HDAC5: variants seen among roughly 807,000 people sequenced by gnomAD.
HDAC5 encodes antigen NY-CO-9.
Under a neutral mutation model 133.3 loss-of-function variants are expected in HDAC5, and 25 were observed. The ratio of observed to expected loss-of-function variants is 0.19; its 90% confidence interval spans 0.14 to 0.26. HDAC5 has a LOEUF of 0.26. Ranked by LOEUF, HDAC5 falls within the 10% of genes least tolerant of loss-of-function variation. The pLI is 1.00. For synonymous variants in HDAC5, 589 were observed against 610.8 expected, an observed-to-expected ratio of 0.96 and a Z score of 0.53; for missense variants, 1,041 against 1,460.5, an observed-to-expected ratio of 0.71 and a Z score of 4.68.
At position 44,093,462 on chromosome 17, in the gene HDAC5, G is replaced by A. The variant is rs2051069151; in HGVS notation, c.378C>T (p.Ala126=). 3 of 1,606,080 alleles carry A rather than the reference G, an allele frequency of 1.9e-6. No homozygotes were observed. In the South Asian group the frequency reaches 3.3e-5, roughly 18 times the overall value. Residue 126 remains alanine, a synonymous_variant, in exon 5 of 27, where the codon GCC becomes GCT. Transcript: ENST00000682912. ...CTGCCAGCATCTCCTGCTGCTGCTT[G>A]GCTGCCAGCATCTCCTGCTGCTGCT... ...HLKQQQEMLA[A]KQQQEMLAAK...
chr17:44,119,513 A>G (rs1399173910), intron 1 of HDAC5, among the ~76,000 whole-genome samples: 2 of 152,218 alleles, frequency 1.3e-5, no homozygotes, highest in Non-Finnish European at 2.9e-5. Flanking sequence ...CTGAGGCAGA[A>G]GAGGAAGGGA....
At chr17:44,101,135 G>A (rs1265208090) in intron 3 of HDAC5, among the ~76,000 whole-genome samples, 1 of 150,906 alleles carries the variant, frequency 6.6e-6, no homozygotes, top group African/African-American at 2.4e-5. Flanking sequence ...GCCGGGCACA[G>A]TGGCTCATGC....
chr17:44,087,744 T>C (rs1401318383), intron 12 of HDAC5, 48 bp from the exon 13 acceptor site: 5 of 1,522,664 alleles, frequency 3.3e-6, no homozygotes, highest in Non-Finnish European at 3.5e-6. Context: ...GGGGAGCAGC[T>C]GTGCAGCCTA....
Position 44,117,005 on chromosome 17 carries a change from A to G in HDAC5, c.22+489T>C, listed in dbSNP as rs1451066069. Among the ~76,000 whole-genome samples the G allele has an allele frequency of 2.0e-5, 3 of 152,234 alleles. No homozygotes were observed. Among genetic ancestry groups the G allele is most frequent in the African/African-American group, 4.8e-5 (2 of 41,456 alleles). ...CTCCCACCCAATGCCACGCACCTGC[A>G]CACGGAGGTTAAGGCCCAGTGCCCT... On this transcript the variant is annotated intron_variant, in intron 2 of 26. Coordinates refer to ENST00000682912, the MANE Select transcript of HDAC5 (RefSeq NM_005474.5). The surrounding 1 kb of genome is among the most constrained non-coding windows in gnomAD (Gnocchi z 4.2).
chr17:44,103,875 A>G (rs1311163670), intron 3 of HDAC5, among the ~76,000 whole-genome samples: 3 of 151,698 alleles, frequency 2.0e-5, no homozygotes, highest in Non-Finnish European at 4.4e-5. Context: ...TGCCCGGCTA[A>G]TTTTGTATTT....
rs760414174 is a variant in HDAC5, at chr17:44,080,204, G to A, written c.2847C>T (p.Ala949=). ...TAFRTVVMPI[A]HEFSPDVVLV... The stretch of plus-strand genomic sequence containing the variant: ...GGACCACATCAGGTGAGAACTCGTG[G>A]GCAATGGGCATCACCACTGTCCTGC... Residue 949 remains alanine, a synonymous_variant, in exon 23 of 27, where the codon GCC becomes GCT. Transcript: ENST00000682912. 3.7e-6 allele frequency: 6 copies of A among 1,613,926 alleles called. No individual in the cohort carries two copies. The South Asian group carries it at 6.6e-5, about 18-fold the overall frequency.
In HDAC5 at chr17:44,079,285, G is replaced by A; in HGVS notation, c.2945-8C>T. 3 of 1,612,762 alleles carry A rather than the reference G, an allele frequency of 1.9e-6. No homozygotes were observed. Among genetic ancestry groups the A allele is most frequent in the Non-Finnish European group, 2.5e-6 (3 of 1,179,284 alleles). On this transcript the variant is annotated splice_polypyrimidine_tract_variant and splice_region_variant and intron_variant, in intron 23 of 26. Coordinates refer to ENST00000682912, the MANE Select transcript of HDAC5 (RefSeq NM_005474.5). ...TGGTCAAGTGGCCAAAACCTTTGAG[G>A]ATGGGTGAAGGGAGGAAGAAGAAAT...
chr17:44,087,386 G>A (rs761957372), intron 13 of HDAC5, 26 bp downstream of exon 13: 1 of 781,260 alleles, frequency 1.3e-6, no homozygotes. Flanking sequence ...TGGTGACCAA[G>A]GACTGGGACC....
intron 11 of HDAC5, among the ~76,000 whole-genome samples, chr17:44,089,125 T>C (rs531284614): frequency 6.6e-6 from 1 of 152,326 alleles, no homozygotes; most frequent in Admixed American, 6.5e-5. Context: ...TGCTGAGCCC[T>C]TGCACACAAC....
intron 2 of HDAC5, among the ~76,000 whole-genome samples, chr17:44,115,534 T>A (rs2052595550): frequency 6.6e-6 from 1 of 152,178 alleles, no homozygotes; most frequent in Non-Finnish European, 1.5e-5. Flanking sequence ...GCTCTGGGAA[T>A]AGCAGACGCT....
At position 44,078,781 on chromosome 17, in the gene HDAC5, G is replaced by A. The variant is rs147216798; in HGVS notation, c.3163+14C>T. On this transcript the variant is annotated intron_variant, in intron 25 of 26. Coordinates refer to ENST00000682912, the MANE Select transcript of HDAC5 (RefSeq NM_005474.5). Reference sequence around the variant, plus strand: ...CCCTTGGCAGCCTGAGCCCCTCTACGTGTCCTCACGCACTCTGGATCTCGA... The same window carrying A: ...CCCTTGGCAGCCTGAGCCCCTCTACATGTCCTCACGCACTCTGGATCTCGA... The A allele has an allele frequency of 1.7e-5, 28 of 1,613,482 alleles. No homozygotes were observed. Among genetic ancestry groups the A allele is most frequent in the African/African-American group, 1.3e-4 (10 of 75,018 alleles).
At chr17:44,102,257 TA>T (rs1351632660) in intron 3 of HDAC5, among the ~76,000 whole-genome samples, 2 of 152,248 alleles carry the variant, frequency 1.3e-5, no homozygotes, top group African/African-American at 4.8e-5. Flanking sequence ...GCCACCTTTT[TA>T]AAATCTGCAC....
At chr17:44,122,858 T>G (rs2053096047) in intron 1 of HDAC5, among the ~76,000 whole-genome samples, 1 of 152,070 alleles carries the variant, frequency 6.6e-6, no homozygotes, top group African/African-American at 2.4e-5. Context: ...CCATTTCATC[T>G]CCTAGCTCTC....
At chr17:44,111,265 T>G in intron 2 of HDAC5, 1 of 293,242 alleles carries the variant, frequency 3.4e-6, no homozygotes, top group Non-Finnish European at 6.9e-6. Context: ...GAGACTGAAA[T>G]AGCAGTTGGG....
rs763303971 is a variant in HDAC5, at chr17:44,092,437, G to T, written c.863C>A (p.Thr288Asn). Reference protein sequence around the residue: ...SSPLLRRKDGTVISTFKKRAV... With the variant: ...SSPLLRRKDGNVISTFKKRAV... ...TCTCTTCTTAAAGGTGCTAATAACA[G>T]TCCCATCCTTGCGACGCAGGAGGGG... The change falls in exon 8 of 27, where the codon ACT (threonine) becomes AAT (asparagine). Residue 288 changes from threonine to asparagine, a missense_variant. Physicochemically the swap from Thr to Asn is moderately conservative, Grantham distance 65. Transcript: ENST00000682912. 9.9e-6 allele frequency: 16 copies of T among 1,613,902 alleles called. No individual in the cohort carries two copies. Among genetic ancestry groups the T allele is most frequent in the Non-Finnish European group, 1.4e-5 (16 of 1,179,980 alleles).
At chr17:44,086,971 T>G (rs1157893070) in intron 13 of HDAC5, among the ~76,000 whole-genome samples, 1 of 4,754 alleles carries the variant, frequency 2.1e-4, no homozygotes, top group African/African-American at 1.0e-3. Flanking sequence ...GGTAAGAGGC[T>G]GGGAGGGGTG....
Position 44,117,375 on chromosome 17 carries a change from C to A in HDAC5, c.22+119G>T. 1 of 1,096,698 alleles carries A rather than the reference C, an allele frequency of 9.1e-7. No individual in the cohort carries two copies. The highest frequency in any genetic ancestry group is 1.4e-6 in the Non-Finnish European group (1 of 710,588). The allele number at this position is 1,096,698 out of a possible 1,614,324, so 67.9% of individuals were successfully genotyped here. ...TCTTGCAACACTTCTCCACTCCTTA[C>A]CCCCTCATTCCCTTATAGCTCAGAC... On this transcript the variant is annotated intron_variant, in intron 2 of 26. Coordinates refer to ENST00000682912, the MANE Select transcript of HDAC5 (RefSeq NM_005474.5). This position sits in a 1 kb window ranked among gnomAD's most constrained non-coding sequence, Gnocchi z 4.2.
intron 11 of HDAC5, among the ~76,000 whole-genome samples, chr17:44,091,041 T>C (rs991574489): frequency 2.6e-5 from 4 of 152,234 alleles, no homozygotes; most frequent in Non-Finnish European, 4.4e-5. Context: ...GTAGATTGTG[T>C]TATGTTTCTA....
intron 3 of HDAC5, among the ~76,000 whole-genome samples, chr17:44,094,331 A>C (rs1223269844): frequency 6.7e-6 from 1 of 150,144 alleles, no homozygotes; most frequent in Non-Finnish European, 1.5e-5. Context: ...CCAGAAAAAA[A>C]AAAAACAAAA....
Sources: gnomAD v4.1 joint callset for allele counts (sites outside exome capture counted in the v4.1 genomes callset) on GRCh38, gnomAD v4.1.1 for gene constraint, Gnocchi (gnomAD v3.1) non-coding constraint, MANE v1.5 for transcripts, NCBI Gene and HGNC (gene_info 2026-07-23, HGNC 2026-07-21) for gene names.